Variants in PPFIBP2 observed in about 807,000 individuals in gnomAD.
PPFIBP2 encodes the protein liprin-beta-2.
Under a neutral mutation model 118.3 loss-of-function variants are expected in PPFIBP2, and 118 were observed. The observed-to-expected ratio is 1.00, with a 90% CI of 0.86 to 1.16. The LOEUF is 1.16. Among genes scored for constraint, PPFIBP2 ranks in the 50% most tolerant of loss-of-function variants. The pLI is 0.00. For synonymous variants in PPFIBP2, 414 were observed against 397.4 expected (o/e 1.04, Z -0.50); for missense variants, 1,195 against 1,073.1 (o/e 1.11, Z -1.59).
intron 1 of PPFIBP2, among the ~76,000 whole-genome samples, chr11:7,533,641 G>A (rs1850952654): frequency 6.6e-6 from 1 of 152,220 alleles, no homozygotes; most frequent in African/African-American, 2.4e-5. Flanking sequence ...GAGGGGTAAT[G>A]GTGTTAGGAA....
At chr11:7,655,942 T>C (rs1197433159), downstream of PPFIBP2, among the ~76,000 whole-genome samples, 1 of 152,154 alleles carries the variant, frequency 6.6e-6, no homozygotes, top group African/African-American at 2.4e-5. Flanking sequence ...TCACAGAGTG[T>C]TGACAGGCTT....
At chr11:7,599,300 C>T (rs983411369) in intron 5 of PPFIBP2, among the ~76,000 whole-genome samples, 4 of 152,064 alleles carry the variant, frequency 2.6e-5, no homozygotes, top group African/African-American at 9.7e-5. Flanking sequence ...GTAAACAATC[C>T]AGAAAGAGAG....
downstream of PPFIBP2, among the ~76,000 whole-genome samples, chr11:7,660,825 T>G (rs1399506202): frequency 6.6e-6 from 1 of 151,610 alleles, no homozygotes; most frequent in Non-Finnish European, 1.5e-5. Flanking sequence ...CAATTTCAGA[T>G]CCTGTTATTG....
At chr11:7,538,277 C>T (rs1165101460) in intron 1 of PPFIBP2, 1 of 152,414 alleles carries the variant, frequency 6.6e-6, no homozygotes, top group African/African-American at 2.4e-5. Flanking sequence ...TTGCCATTTC[C>T]AGTAGGAGGA....
intron 20 of PPFIBP2, 71 bp from the exon 21 acceptor site, chr11:7,649,461 T>C (rs1339554131): frequency 6.3e-7 from 1 of 1,587,126 alleles, no homozygotes; most frequent in Non-Finnish European, 8.6e-7. Flanking sequence ...ATGCTTGGTC[T>C]GGTGAGGGAC....
chr11:7,543,982 G>C (rs926493801), intron 1 of PPFIBP2, among the ~76,000 whole-genome samples: 3 of 152,172 alleles, frequency 2.0e-5, no homozygotes, highest in Admixed American at 6.6e-5. Context: ...TTCCTCACTG[G>C]CTGCATTTAC....
Position 7,648,868 on chromosome 11 carries a change from A to G in PPFIBP2, c.1866A>G (p.Lys622=). 1 of 1,614,108 alleles carries G rather than the reference A, an allele frequency of 6.2e-7. No individual in the cohort carries two copies. Among genetic ancestry groups the G allele is most frequent in the South Asian group, 1.1e-5 (1 of 91,082 alleles). Residue 622 remains lysine, a synonymous_variant, in exon 19 of 24, where the codon AAA becomes AAG. Coordinates refer to ENST00000299492, the MANE Select transcript of PPFIBP2 (RefSeq NM_003621.5). ...TAGCAGTGAAAGCCATCAACACCAAACAGGAGGAGAAGTCTGCACTGCTAG... is the reference window on the plus strand; with the variant it reads ...TAGCAGTGAAAGCCATCAACACCAAGCAGGAGGAGAAGTCTGCACTGCTAG... ...LVLAVKAINT[K]QEEKSALLDH... is the part of the protein sequence containing the mutation.
At chr11:7,567,448 T>G (rs1337798875) in intron 3 of PPFIBP2, among the ~76,000 whole-genome samples, 1 of 152,244 alleles carries the variant, frequency 6.6e-6, no homozygotes, top group African/African-American at 2.4e-5. Flanking sequence ...AGGGAATGCC[T>G]TCCTTTGAAG....
At position 7,625,628 on chromosome 11, in the gene PPFIBP2, G is replaced by A. The variant is rs112854032; in HGVS notation, c.712-149G>A. 3,577 of 632,700 alleles carry A rather than the reference G, an allele frequency of 5.7e-3. 88 individuals carry two copies. In the African/African-American group the frequency reaches 0.057, roughly 10 times the overall value. 39.2% of individuals were successfully genotyped at this position (632,700 alleles called of 1,614,324 possible). On this transcript the variant is annotated intron_variant, in intron 7 of 23. Transcript: ENST00000299492. The stretch of plus-strand genomic sequence containing the variant: ...CACTCAGCAGAGTTCCACCTGTGGA[G>A]AGGGCAGTGAGCCCCTGCTCCTGCT...
downstream of PPFIBP2, among the ~76,000 whole-genome samples, chr11:7,654,400 C>T (rs1854493961): frequency 6.6e-6 from 1 of 152,226 alleles, no homozygotes; most frequent in African/African-American, 2.4e-5. Flanking sequence ...TCCCCTGGGC[C>T]TCATCGCAGA....
At chr11:7,639,273 G>A (rs1687292974) in intron 14 of PPFIBP2, among the ~76,000 whole-genome samples, 2 of 152,152 alleles carry the variant, frequency 1.3e-5, no homozygotes, top group South Asian at 4.1e-4. Flanking sequence ...AGACCAGACT[G>A]AGCTCAGTTT....
At position 7,631,046 on chromosome 11, in the gene PPFIBP2, ATG is replaced by A. The variant is rs762500922; in HGVS notation, c.1068+19_1068+20del. ...AACAAGAGGTACTGTGTTTCCATCCATGACGTAGGGTTTCAGCAGGTCCTCCG... is the reference window on the plus strand; with the variant it reads ...AACAAGAGGTACTGTGTTTCCATCCAACGTAGGGTTTCAGCAGGTCCTCCG... On this transcript the variant is annotated intron_variant, in intron 11 of 23. Coordinates refer to ENST00000299492, the MANE Select transcript of PPFIBP2 (RefSeq NM_003621.5). 82 of 1,595,664 alleles carry A rather than the reference ATG, an allele frequency of 5.1e-5. No individual in the cohort carries two copies. In the East Asian group the frequency reaches 7.8e-4, roughly 15 times the overall value.
downstream of PPFIBP2, among the ~76,000 whole-genome samples, chr11:7,657,278 C>A (rs1224860783): frequency 6.6e-6 from 1 of 152,190 alleles, no homozygotes; most frequent in Non-Finnish European, 1.5e-5. Flanking sequence ...ACAGAACGTG[C>A]TTTTTCCATT....
At chr11:7,634,146 AC>A (rs1273516025) in intron 12 of PPFIBP2, among the ~76,000 whole-genome samples, 1 of 152,164 alleles carries the variant, frequency 6.6e-6, no homozygotes, top group East Asian at 1.9e-4. Flanking sequence ...CAGCATCAGC[AC>A]CTTTCCCCTC....
At chr11:7,624,639 C>T (rs568152314) in intron 7 of PPFIBP2, among the ~76,000 whole-genome samples, 2 of 152,288 alleles carry the variant, frequency 1.3e-5, no homozygotes, top group South Asian at 2.1e-4. Context: ...GCTCCACGGT[C>T]GATGCTCATC....
intron 4 of PPFIBP2, among the ~76,000 whole-genome samples, chr11:7,596,909 G>T (rs537134109): frequency 6.6e-6 from 1 of 152,200 alleles, no homozygotes; most frequent in South Asian, 2.1e-4. Context: ...TTTTAATAGG[G>T]ATTCTCAGCG....
At chr11:7,562,929 T>TTTTATATATATATATA (rs1421157041) in intron 2 of PPFIBP2, among the ~76,000 whole-genome samples, 1 of 86,536 alleles carries the variant, frequency 1.2e-5, no homozygotes, top group South Asian at 5.3e-4. Flanking sequence ...AATTAAAGTT[T>TTTTATATATATATATA]TATATATATA....
At chr11:7,581,919 C>T (rs929979017) in intron 3 of PPFIBP2, among the ~76,000 whole-genome samples, 3 of 152,074 alleles carry the variant, frequency 2.0e-5, no homozygotes, top group Non-Finnish European at 4.4e-5. Flanking sequence ...TCACTTCAAC[C>T]TCCTTCTCCT....
chr11:7,572,572 G>A (rs73411127), intron 3 of PPFIBP2, among the ~76,000 whole-genome samples: 8,906 of 152,280 alleles, frequency 0.058, 838 homozygotes, highest in African/African-American at 0.2. Context: ...GTGGTGGACA[G>A]TGTTGCCAGG....
Sources: gnomAD v4.1 joint callset for allele counts (sites outside exome capture counted in the v4.1 genomes callset) on GRCh38, gnomAD v4.1.1 for gene constraint, MANE v1.5 for transcripts, NCBI Gene and HGNC (gene_info 2026-07-23, HGNC 2026-07-21) for gene names.